Variants in DPYSL5 observed in about 807,000 individuals in gnomAD.
The protein encoded by DPYSL5 is dihydropyrimidinase like 5, also known as dihydropyrimidinase-related protein 5.
In DPYSL5, 9 loss-of-function variants were observed where a neutral mutation model predicts 58.4. The ratio of observed to expected loss-of-function variants is 0.15; its 90% confidence interval spans 0.09 to 0.27. DPYSL5 has a LOEUF of 0.27. Among genes scored for constraint, DPYSL5 ranks in the 10% least tolerant of loss-of-function variants. The pLI, the probability that DPYSL5 is intolerant of heterozygous loss-of-function variation, is 1.00. For missense variants in DPYSL5, 499 were observed against 770.6 expected (o/e 0.65, Z 4.17); for synonymous variants, 293 against 301.9 (o/e 0.97, Z 0.31).
intron 6 of DPYSL5, 108 bp downstream of exon 6, chr2:26,931,792 G>A: frequency 3.3e-6 from 4 of 1,197,538 alleles, no homozygotes; most frequent in Non-Finnish European, 4.9e-6. Flanking sequence ...TGGATCACCT[G>A]AGGTTAAGAG....
At chr2:26,855,157 C>T (rs985101021) in intron 1 of DPYSL5, among the ~76,000 whole-genome samples, 6 of 150,614 alleles carry the variant, frequency 4.0e-5, no homozygotes, top group South Asian at 2.1e-4. Context: ...ATGCTGGGCG[C>T]GGTGGCTCAT....
At chr2:26,928,704 T>TATATATATATATATATACAC in intron 5 of DPYSL5, among the ~76,000 whole-genome samples, 1 of 62,964 alleles carries the variant, frequency 1.6e-5, no homozygotes, top group Non-Finnish European at 3.3e-5. Context: ...TATATATATA[T>TATATATATATATATATACAC]ACACACACAC....
chr2:26,903,829 C>T (rs998539440), intron 2 of DPYSL5, among the ~76,000 whole-genome samples: 9 of 152,240 alleles, frequency 5.9e-5, no homozygotes, highest in Admixed American at 1.3e-4. Flanking sequence ...TTCCCTAACC[C>T]GGTGTCCTGA....
At chr2:26,856,191 T>TG (rs1665873209) in intron 1 of DPYSL5, among the ~76,000 whole-genome samples, 1 of 152,144 alleles carries the variant, frequency 6.6e-6, no homozygotes, top group Admixed American at 6.5e-5. Flanking sequence ...AACAGAAAAT[T>TG]GGAGTCTCTG....
intron 2 of DPYSL5, among the ~76,000 whole-genome samples, chr2:26,899,665 T>A (rs772057941): frequency 2.0e-5 from 3 of 152,026 alleles, no homozygotes; most frequent in Non-Finnish European, 4.4e-5. Flanking sequence ...GCCCTTAAGG[T>A]CTCCTTGAGG....
intron 2 of DPYSL5, among the ~76,000 whole-genome samples, chr2:26,906,431 C>T (rs1169360800): frequency 6.6e-6 from 1 of 152,144 alleles, no homozygotes; most frequent in African/African-American, 2.4e-5. Flanking sequence ...ATCTGCCTGC[C>T]TCGGCCTCCA....
rs554882929 is a variant in DPYSL5, at chr2:26,883,729, C to G, written c.-4-14767C>G. ...TTTACTCTGTTATGTCTGCTCCTTC[C>G]CCTCAACTATTGTTTGCAAGATGCT... On this transcript the variant is annotated intron_variant, in intron 1 of 12. Transcript: ENST00000288699. Among the ~76,000 whole-genome samples, 4 of 152,220 alleles carry G rather than the reference C, an allele frequency of 2.6e-5. No individual in the cohort carries two copies. The East Asian group carries it at 7.7e-4, about 29-fold the overall frequency.
chr2:26,884,687 C>T (rs1171047015), intron 1 of DPYSL5, among the ~76,000 whole-genome samples: 1 of 152,176 alleles, frequency 6.6e-6, no homozygotes, highest in Non-Finnish European at 1.5e-5. Context: ...AGCTTTTGCC[C>T]TCTGCACACT....
chr2:26,923,494 G>C (rs1227705767), intron 2 of DPYSL5, among the ~76,000 whole-genome samples: 2 of 152,156 alleles, frequency 1.3e-5, no homozygotes, highest in Admixed American at 1.3e-4. Flanking sequence ...GAGAAGTTAA[G>C]TAACCTGGCA....
chr2:26,936,256 A>G (rs1176242376), intron 8 of DPYSL5, among the ~76,000 whole-genome samples: 2 of 152,128 alleles, frequency 1.3e-5, no homozygotes, highest in African/African-American at 4.8e-5. Context: ...CTCTTCTAAG[A>G]TGGTGCAGGA....
intron 1 of DPYSL5, among the ~76,000 whole-genome samples, chr2:26,853,478 A>G (rs1665803960): frequency 6.6e-6 from 1 of 152,204 alleles, no homozygotes. Context: ...AAATGAGGCA[A>G]CAAAAGTAAA....
intron 1 of DPYSL5, among the ~76,000 whole-genome samples, chr2:26,850,228 G>C (rs1023206935): frequency 6.6e-6 from 1 of 152,226 alleles, no homozygotes; most frequent in Non-Finnish European, 1.5e-5. Context: ...ACCCAAGCCA[G>C]TGCGTCTCTT....
At chr2:26,946,418 T>G (rs1441419913) in intron 12 of DPYSL5, among the ~76,000 whole-genome samples, 1 of 152,034 alleles carries the variant, frequency 6.6e-6, no homozygotes, top group Non-Finnish European at 1.5e-5. Flanking sequence ...GTTTTTGTTT[T>G]TTTTTTTCAA....
chr2:26,870,082 C>T (rs1313873091), intron 1 of DPYSL5, among the ~76,000 whole-genome samples: 2 of 152,170 alleles, frequency 1.3e-5, no homozygotes, highest in African/African-American at 4.8e-5. Context: ...TTCTATCTTA[C>T]TGCGTTTTCT....
chr2:26,911,959 T>C (rs1316665345), intron 2 of DPYSL5, among the ~76,000 whole-genome samples: 1 of 152,222 alleles, frequency 6.6e-6, no homozygotes, highest in East Asian at 1.9e-4. Context: ...GTGCTCAAAA[T>C]GGGGTGTGTT....
At chr2:26,930,016 G>A (rs549571765) in intron 5 of DPYSL5, among the ~76,000 whole-genome samples, 55 of 152,362 alleles carry the variant, frequency 3.6e-4, no homozygotes, top group Admixed American at 3.3e-3. Flanking sequence ...CGAGGGACAA[G>A]GAGCAGGACA....
Position 26,948,702 on chromosome 2 carries a change from C to T in DPYSL5, c.*1707C>T, listed in dbSNP as rs957316473. 1 of 152,486 alleles carries T rather than the reference C, an allele frequency of 6.6e-6. No individual in the cohort carries two copies. Among genetic ancestry groups the T allele is most frequent in the African/African-American group, 2.4e-5 (1 of 41,470 alleles). 9.4% of individuals were successfully genotyped at this position (152,486 alleles called of 1,614,324 possible). ...TGAAACCCCGTCTCTACTAAAAATA[C>T]AAAAATTACCCAGGCGTGGTGGCGG... On this transcript the variant is annotated 3_prime_UTR_variant, in exon 13 of 13. Coordinates refer to ENST00000288699, the MANE Select transcript of DPYSL5 (RefSeq NM_020134.4).
intron 1 of DPYSL5, among the ~76,000 whole-genome samples, chr2:26,868,327 T>G (rs1163194956): frequency 6.6e-6 from 1 of 152,186 alleles, no homozygotes; most frequent in Non-Finnish European, 1.5e-5. Context: ...TGATAAAAAT[T>G]TAAACATTTT....
In DPYSL5 at chr2:26,872,641, G is replaced by C. The variant is rs541133329; in HGVS notation, c.-5+24387G>C. Among the ~76,000 whole-genome samples, 33 of 151,842 alleles carry C rather than the reference G, an allele frequency of 2.2e-4. 1 individual carries two copies. The South Asian group carries it at 5.2e-3, about 24-fold the overall frequency. On this transcript the variant is annotated intron_variant, in intron 1 of 12. Coordinates refer to ENST00000288699, the MANE Select transcript of DPYSL5 (RefSeq NM_020134.4). Reference sequence around the variant, plus strand: ...GGAGGCGGAGGTTGCAGTGAGCCAAGATCATGCCACTGTACTCCAGCCTGG... The same window carrying C: ...GGAGGCGGAGGTTGCAGTGAGCCAACATCATGCCACTGTACTCCAGCCTGG...
Sources: allele counts gnomAD v4.1 joint callset (sites outside exome capture counted in the v4.1 genomes callset), GRCh38; gene constraint gnomAD v4.1.1; transcripts MANE v1.5; gene names NCBI Gene and HGNC (gene_info 2026-07-23, HGNC 2026-07-21).